The following RBFOX1 variants were observed in gnomAD, a reference collection of about 807,000 sequenced individuals.
RBFOX1 encodes RNA binding fox-1 homolog 1, also known as RNA binding protein fox-1 homolog 1.
A neutral mutation model predicts 57.7 loss-of-function variants in RBFOX1; 8 were observed. That is an observed-to-expected ratio of 0.14 (90% CI 0.08 to 0.25). The LOEUF is 0.25. Among genes scored for constraint, RBFOX1 ranks in the 10% least tolerant of loss-of-function variants. The pLI, the probability that RBFOX1 is intolerant of heterozygous loss-of-function variation, is 1.00. For synonymous variants in RBFOX1, 326 were observed against 222.4 expected, an observed-to-expected ratio of 1.47 and a Z score of -4.15; for missense variants, 611 against 548.5, an observed-to-expected ratio of 1.11 and a Z score of -1.14.
At chr16:7,667,006 C>A (rs145403085) in intron 13 of RBFOX1, among the ~76,000 whole-genome samples, 4 of 152,288 alleles carry the variant, frequency 2.6e-5, no homozygotes, top group African/African-American at 9.6e-5. Flanking sequence ...GGCCACGACC[C>A]CCAGCCAGAA....
chr16:5,772,809 G>A (rs996348126), intron 3 of RBFOX1, among the ~76,000 whole-genome samples: 1 of 152,170 alleles, frequency 6.6e-6, no homozygotes, highest in Non-Finnish European at 1.5e-5. Flanking sequence ...TGGTGGAAAG[G>A]AATGAATAGT....
At chr16:5,353,937 G>T (rs957467275) in intron 1 of RBFOX1, among the ~76,000 whole-genome samples, 3 of 152,112 alleles carry the variant, frequency 2.0e-5, no homozygotes, top group Non-Finnish European at 2.9e-5. Flanking sequence ...GCCTGGGGCG[G>T]TGTAGTAAAT....
chr16:6,301,278 C>T (rs925224264), intron 1 of RBFOX1, among the ~76,000 whole-genome samples: 2 of 152,108 alleles, frequency 1.3e-5, no homozygotes, highest in Admixed American at 6.6e-5. Context: ...TGATGGGTGT[C>T]ACATGCCAAA....
chr16:5,534,010 A>G (rs2044590918), intron 2 of RBFOX1, among the ~76,000 whole-genome samples: 1 of 152,120 alleles, frequency 6.6e-6, no homozygotes, highest in Non-Finnish European at 1.5e-5. Flanking sequence ...GTGTCCCCAA[A>G]TCACACCACT....
intron 3 of RBFOX1, among the ~76,000 whole-genome samples, chr16:5,757,618 G>A (rs2053447233): frequency 6.6e-6 from 1 of 152,156 alleles, no homozygotes; most frequent in South Asian, 2.1e-4. Context: ...AGAGAGACCA[G>A]GAAATGTGGT....
chr16:5,324,630 C>G (rs943080383), intron 1 of RBFOX1, among the ~76,000 whole-genome samples: 44 of 152,152 alleles, frequency 2.9e-4, no homozygotes. Context: ...CGCAGCCATA[C>G]AAAGAACGAA....
At position 6,747,560 on chromosome 16, in the gene RBFOX1, T is replaced by C. The variant is rs556623958; in HGVS notation, c.-16+92910T>C. Among the ~76,000 whole-genome samples the C allele has an allele frequency of 2.6e-5, 4 of 152,284 alleles. No individual in the cohort carries two copies. In the South Asian group the frequency reaches 8.3e-4, roughly 32 times the overall value. ...GCCTGTTGGGGCAGTATTCACATAA[T>C]CTCTGTTAAAAGTGATATTTTTAGT... On this transcript the variant is annotated intron_variant, in intron 3 of 15. Transcript: ENST00000550418.
intron 2 of RBFOX1, among the ~76,000 whole-genome samples, chr16:6,600,664 A>G (rs962708348): frequency 6.6e-6 from 1 of 152,224 alleles, no homozygotes; most frequent in Non-Finnish European, 1.5e-5. Context: ...CCACCTAAAT[A>G]TCTTGGCCTG....
At chr16:5,557,057 A>T (rs1380753443) in intron 2 of RBFOX1, among the ~76,000 whole-genome samples, 2 of 152,090 alleles carry the variant, frequency 1.3e-5, no homozygotes, top group Non-Finnish European at 2.9e-5. Flanking sequence ...CAGGAGATCA[A>T]GGCCATCCTA....
chr16:5,427,399 G>A (rs1284119531), intron 1 of RBFOX1, among the ~76,000 whole-genome samples: 1 of 152,094 alleles, frequency 6.6e-6, no homozygotes, highest in African/African-American at 2.4e-5. Context: ...AGCTTGGCCA[G>A]CATGGTGAAA....
chr16:7,104,402 C>A (rs141625208), intron 4 of RBFOX1, among the ~76,000 whole-genome samples: 227 of 152,130 alleles, frequency 1.5e-3, no homozygotes, highest in African/African-American at 5.3e-3. Flanking sequence ...GACAGTATGC[C>A]CCTCTGATTA....
intron 4 of RBFOX1, among the ~76,000 whole-genome samples, chr16:7,215,143 G>A (rs928531422): frequency 2.0e-5 from 3 of 152,114 alleles, no homozygotes; most frequent in Admixed American, 1.3e-4. Flanking sequence ...CCACTTATGA[G>A]TGAGAACATG....
chr16:6,087,074 A>G (rs550504078), intron 1 of RBFOX1, among the ~76,000 whole-genome samples: 9 of 152,318 alleles, frequency 5.9e-5, no homozygotes, highest in African/African-American at 2.2e-4. Context: ...ATGTCCCAAA[A>G]GGAAAAGAGA....
At chr16:7,408,008 G>A (rs1480110717) in intron 4 of RBFOX1, among the ~76,000 whole-genome samples, 2 of 152,138 alleles carry the variant, frequency 1.3e-5, no homozygotes, top group Admixed American at 6.6e-5. Flanking sequence ...TATTTATTCC[G>A]TGGCTCTTTA....
intron 1 of RBFOX1, among the ~76,000 whole-genome samples, chr16:5,370,055 A>G (rs550837281): frequency 3.2e-4 from 49 of 152,178 alleles, no homozygotes; most frequent in African/African-American, 7.9e-4. Flanking sequence ...TTGAGCACCT[A>G]CTATGTGCTG....
At chr16:6,447,258 T>C (rs948934330) in intron 2 of RBFOX1, among the ~76,000 whole-genome samples, 2 of 152,174 alleles carry the variant, frequency 1.3e-5, no homozygotes, top group Admixed American at 6.5e-5. Context: ...CAGAAAGGCC[T>C]AGTTTGGAAC....
chr16:7,645,004 C>T (rs1181431192), intron 11 of RBFOX1, among the ~76,000 whole-genome samples: 1 of 152,136 alleles, frequency 6.6e-6, no homozygotes, highest in Non-Finnish European at 1.5e-5. Context: ...ATTTTAGCCT[C>T]TTACAATCTT....
intron 4 of RBFOX1, among the ~76,000 whole-genome samples, chr16:7,114,487 C>T (rs138769762): frequency 6.6e-6 from 1 of 152,152 alleles, no homozygotes; most frequent in South Asian, 2.1e-4. Flanking sequence ...TTTTAAGAAG[C>T]ACTCAAGCAC....
intron 4 of RBFOX1, among the ~76,000 whole-genome samples, chr16:7,175,823 A>C (rs1282366877): frequency 6.6e-6 from 1 of 152,198 alleles, no homozygotes; most frequent in Non-Finnish European, 1.5e-5. Flanking sequence ...GCTGGGTTGC[A>C]GTAATCTAGG....
Sources: gnomAD v4.1 joint callset for allele counts (sites outside exome capture counted in the v4.1 genomes callset) on GRCh38, gnomAD v4.1.1 for gene constraint, MANE v1.5 for transcripts, NCBI Gene and HGNC (gene_info 2026-07-23, HGNC 2026-07-21) for gene names.